EPS15: variants seen among roughly 807,000 people sequenced by gnomAD.
The protein encoded by EPS15 is epidermal growth factor receptor substrate 15.
A neutral mutation model predicts 113.8 loss-of-function variants in EPS15; 72 were observed. The observed-to-expected ratio is 0.63, with a 90% CI of 0.52 to 0.77. EPS15 has a LOEUF of 0.77. EPS15 is among the 30% of genes least tolerant of loss of function. The pLI is 0.00. For synonymous variants in EPS15, 344 were observed against 363.4 expected, an observed-to-expected ratio of 0.95 and a Z score of 0.61; for missense variants, 1,048 against 1,045.8, an observed-to-expected ratio of 1.00 and a Z score of -0.03.
At chr1:51,422,077 G>A in intron 12 of EPS15, 2 of 1,196,616 alleles carry the variant, frequency 1.7e-6, no homozygotes, top group Non-Finnish European at 1.1e-6. Flanking sequence ...ACTAAAATGT[G>A]GTGAAAAGAG....
In EPS15 at chr1:51,399,078, G is replaced by A. The variant is rs2148413226; in HGVS notation, c.2006C>T (p.Ser669Leu). ...FRQSTDPFAT[S>L]STDPFSAANN... ...GGCTGCACTGAAAGGGTCAGTGCTT[G>A]AAGTGGCAAAAGGATCAGTAGATTG... Residue 669 changes from serine to leucine, a missense_variant, in exon 20 of 25, where the codon TCA (serine) becomes TTA (leucine). Transcript: ENST00000371733. 4 of 1,614,118 alleles carry A rather than the reference G, an allele frequency of 2.5e-6. No individual in the cohort carries two copies. Among genetic ancestry groups the A allele is most frequent in the Non-Finnish European group, 3.4e-6 (4 of 1,179,970 alleles).
chr1:51,414,348 A>C (rs1338647752), intron 13 of EPS15, among the ~76,000 whole-genome samples: 1 of 151,994 alleles, frequency 6.6e-6, no homozygotes, highest in Non-Finnish European at 1.5e-5. Context: ...AGGAGGCAGA[A>C]GTTGCAGCAG....
At chr1:51,410,209 C>G (rs1649571638) in intron 13 of EPS15, among the ~76,000 whole-genome samples, 2 of 150,570 alleles carry the variant, frequency 1.3e-5, no homozygotes, top group South Asian at 2.1e-4. Context: ...GCCTGGGCAA[C>G]AAGAGTGAAA....
rs55758141 is a variant in EPS15, at chr1:51,491,853, C to A, written c.34-10539G>T. On this transcript the variant is annotated intron_variant, in intron 1 of 24. Coordinates refer to ENST00000371733, the MANE Select transcript of EPS15 (RefSeq NM_001981.3). ...TTCCTCAGCTCTGTAATTCCCAACT[C>A]ATTTAATTTTTTTTTTTTTTTTTTT... is the stretch of plus-strand genomic sequence containing the variant. 1.1e-3 allele frequency among the ~76,000 whole-genome samples: 156 copies of A among 138,488 alleles called. 1 individual carries two copies. Among genetic ancestry groups the A allele is most frequent in the African/African-American group, 4.1e-3 (143 of 34,526 alleles). The allele number at this position is 138,488 out of a possible 152,430, so 90.9% of individuals were successfully genotyped here.
intron 20 of EPS15, among the ~76,000 whole-genome samples, chr1:51,395,616 C>T (rs1570188585): frequency 2.0e-5 from 3 of 152,292 alleles, no homozygotes; most frequent in African/African-American, 4.8e-5. Flanking sequence ...TCAAGAGCAA[C>T]TGATCTTGCT....
At chr1:51,497,854 G>C (rs1570432116) in intron 1 of EPS15, among the ~76,000 whole-genome samples, 1 of 151,958 alleles carries the variant, frequency 6.6e-6, no homozygotes, top group Non-Finnish European at 1.5e-5. Context: ...GTGCGCGCCT[G>C]TAGTCCCAGC....
intron 21 of EPS15, among the ~76,000 whole-genome samples, chr1:51,368,343 G>A (rs1169832860): frequency 6.6e-6 from 1 of 152,058 alleles, no homozygotes; most frequent in Admixed American, 6.6e-5. Context: ...GTAGGCAAAG[G>A]GTAGCCCAAG....
intron 19 of EPS15, 120 bp downstream of exon 19, chr1:51,400,798 C>A: frequency 7.4e-6 from 3 of 403,870 alleles, no homozygotes; most frequent in Middle Eastern, 3.6e-4. Flanking sequence ...TACTCTCTTT[C>A]TGAAAATGCC....
At chr1:51,434,423 C>A (rs1473378600) in intron 12 of EPS15, among the ~76,000 whole-genome samples, 1 of 152,098 alleles carries the variant, frequency 6.6e-6, no homozygotes, top group Admixed American at 6.5e-5. Context: ...GGATATTATG[C>A]TGAGTGAAAT....
chr1:51,355,725 A>AAC lies in EPS15; in HGVS notation c.*973_*974dup, dbSNP rs1646203903. 5.3e-6 allele frequency: 1 copy of AAC among 188,738 alleles called. No homozygotes were observed. The highest frequency in any genetic ancestry group is 1.1e-5 in the Non-Finnish European group (1 of 89,928). The allele number at this position is 188,738 out of a possible 1,614,324, so 11.7% of individuals were successfully genotyped here. On this transcript the variant is annotated 3_prime_UTR_variant, in exon 25 of 25. Coordinates refer to ENST00000371733, the MANE Select transcript of EPS15 (RefSeq NM_001981.3). Reference sequence around the variant, plus strand: ...AATGAGCCTTCATTAAAAAAAAAAAAACAAATATATATGAAAAATTAAAGT... The same window carrying AAC: ...AATGAGCCTTCATTAAAAAAAAAAAAACACAAATATATATGAAAAATTAAAGT...
chr1:51,479,502 C>T (rs1190464859), intron 2 of EPS15, among the ~76,000 whole-genome samples: 2 of 152,132 alleles, frequency 1.3e-5, no homozygotes, highest in African/African-American at 2.4e-5. Flanking sequence ...CCATTGCTGG[C>T]GAGGAGCTCT....
At chr1:51,470,602 A>ACGC (rs887549423) in intron 4 of EPS15, among the ~76,000 whole-genome samples, 7 of 146,918 alleles carry the variant, frequency 4.8e-5, no homozygotes, top group African/African-American at 1.8e-4. Flanking sequence ...AGCCAAGATC[A>ACGC]CGCCACTGTA....
chr1:51,404,830 G>A (rs1443345007), intron 16 of EPS15, among the ~76,000 whole-genome samples: 2 of 152,094 alleles, frequency 1.3e-5, no homozygotes, highest in African/African-American at 2.4e-5. Flanking sequence ...CCAGAAACTA[G>A]TTCAGCAAGT....
chr1:51,467,855 T>C (rs1391340769), intron 5 of EPS15, among the ~76,000 whole-genome samples: 1 of 152,144 alleles, frequency 6.6e-6, no homozygotes, highest in African/African-American at 2.4e-5. Flanking sequence ...CCCAGGTCCA[T>C]GGAAAAATTG....
At chr1:51,392,881 T>C (rs1570179101) in intron 21 of EPS15, among the ~76,000 whole-genome samples, 1 of 152,232 alleles carries the variant, frequency 6.6e-6, no homozygotes, top group Non-Finnish European at 1.5e-5. Flanking sequence ...TTTCATTTTA[T>C]TCTCTTAGGT....
chr1:51,468,414 A>G lies in EPS15; in HGVS notation c.309+59T>C, dbSNP rs1438740958. On this transcript the variant is annotated intron_variant, in intron 5 of 24. Coordinates refer to ENST00000371733, the MANE Select transcript of EPS15 (RefSeq NM_001981.3). ...TTAATATATTACTTTTAATTTTCAA[A>G]TAACGTGGTGTCACTTTTTAAAAAT... 13 of 1,195,478 alleles carry G rather than the reference A, an allele frequency of 1.1e-5. No homozygotes were observed. In the Admixed American group the frequency reaches 2.0e-4, roughly 19 times the overall value. 74.1% of individuals were successfully genotyped at this position (1,195,478 alleles called of 1,614,324 possible). A position where few individuals can be genotyped will look rare whatever the true frequency, so the allele number is the denominator to read the frequency against.
At position 51,405,978 on chromosome 1, in the gene EPS15, T is replaced by A. The variant is rs1649085425; in HGVS notation, c.1604A>T (p.Glu535Val). ...AACATGTTCATTAAGGTTGGCTGTT[T>A]CACTGCTGCTGGTGCTGAGGCTGCA... Reference protein sequence around the residue: ...DYCSLSTSSSETANLNEHVEG... With the variant: ...DYCSLSTSSSVTANLNEHVEG... Residue 535 changes from glutamate to valine, a missense_variant, in exon 16 of 25, where the codon GAA becomes GTA. Transcript: ENST00000371733. 1 of 1,614,080 alleles carries A rather than the reference T, an allele frequency of 6.2e-7. No homozygotes were observed. The highest frequency in any genetic ancestry group is 1.3e-5 in the African/African-American group (1 of 74,944).
intron 23 of EPS15, 123 bp downstream of exon 23, chr1:51,363,743 A>G: frequency 1.3e-6 from 1 of 757,924 alleles, no homozygotes; most frequent in East Asian, 2.8e-5. Flanking sequence ...TGACAGCAGC[A>G]GGCTTCTGAC....
chr1:51,378,058 G>C (rs1396763247), intron 21 of EPS15, among the ~76,000 whole-genome samples: 3 of 151,974 alleles, frequency 2.0e-5, no homozygotes, highest in Admixed American at 6.6e-5. Context: ...ACCACGCCTG[G>C]CTAATTTTTT....
Sources: allele counts gnomAD v4.1 joint callset (sites outside exome capture counted in the v4.1 genomes callset), GRCh38; gene constraint gnomAD v4.1.1; transcripts MANE v1.5; gene names NCBI Gene and HGNC (gene_info 2026-07-23, HGNC 2026-07-21).